KCNMA1: variants seen among roughly 807,000 people sequenced by gnomAD.
KCNMA1 encodes the protein Calcium-activated potassium channel subunit alpha-1.
In KCNMA1, 29 loss-of-function variants were observed where a neutral mutation model predicts 140.0. The observed-to-expected ratio is 0.21, with a 90% confidence interval of 0.15 to 0.28. The LOEUF (loss-of-function observed/expected upper bound fraction) is 0.28. KCNMA1 is among the 10% of genes least tolerant of loss of function. The probability of loss-of-function intolerance (pLI) is 1.00; values close to 1 mark genes in which losing one functional copy is unlikely to be tolerated. For synonymous variants in KCNMA1, 612 were observed against 611.9 expected (o/e 1.00, Z 0.00); for missense variants, 880 against 1,602.2 (o/e 0.55, Z 7.70).
At chr10:77,593,597 A>G (rs890319081) in intron 1 of KCNMA1, among the ~76,000 whole-genome samples, 4 of 152,198 alleles carry the variant, frequency 2.6e-5, no homozygotes, top group Non-Finnish European at 2.9e-5. Context: ...TTTTATACAC[A>G]TTATCTTGTG....
At chr10:76,921,245 T>C (rs1192151108) in intron 23 of KCNMA1, among the ~76,000 whole-genome samples, 3 of 152,184 alleles carry the variant, frequency 2.0e-5, no homozygotes, top group Non-Finnish European at 4.4e-5. Context: ...CTAGGTTTGC[T>C]GAGACAGGTA....
intron 2 of KCNMA1, among the ~76,000 whole-genome samples, chr10:77,273,066 A>G (rs2065616914): frequency 6.6e-6 from 1 of 152,110 alleles, no homozygotes; most frequent in African/African-American, 2.4e-5. Flanking sequence ...CTATTCATCT[A>G]CCCTTTTCTC....
At chr10:77,368,548 G>A (rs368190170) in intron 2 of KCNMA1, among the ~76,000 whole-genome samples, 7 of 152,042 alleles carry the variant, frequency 4.6e-5, no homozygotes, top group African/African-American at 1.2e-4. Flanking sequence ...TAATTTTGAC[G>A]TGTCTAAGTG....
In KCNMA1 at chr10:76,949,313, G is replaced by A; in HGVS notation, c.2538C>T (p.Ile846=). ...TCAGGGCTGAGCTGACGTCGCCAAA[G>A]ATGCAGACCACGACATGGCCACTCA... ...TVLSGHVVVC[I]FGDVSSALIG... The change falls in exon 22 of 28, where the codon ATC becomes ATT. Residue 846 remains isoleucine (I), a synonymous_variant. Coordinates refer to ENST00000286628, the MANE Select transcript of KCNMA1 (RefSeq NM_001161352.2). 1 of 1,614,168 alleles carries A rather than the reference G, an allele frequency of 6.2e-7. No individual in the cohort carries two copies. The highest frequency in any genetic ancestry group is 8.5e-7 in the Non-Finnish European group (1 of 1,180,030).
At chr10:76,958,133 T>G (rs1024894892) in intron 20 of KCNMA1, among the ~76,000 whole-genome samples, 1 of 152,134 alleles carries the variant, frequency 6.6e-6, no homozygotes, top group Non-Finnish European at 1.5e-5. Flanking sequence ...CCCAGAGGAA[T>G]TGGGCCGTTT....
intron 1 of KCNMA1, among the ~76,000 whole-genome samples, chr10:77,542,177 C>T (rs553527658): frequency 6.6e-6 from 1 of 152,342 alleles, no homozygotes; most frequent in Admixed American, 6.5e-5. Flanking sequence ...CCACAAGCAC[C>T]TTGATCTTGG....
At chr10:77,437,457 G>A (rs1196353285) in intron 1 of KCNMA1, among the ~76,000 whole-genome samples, 1 of 152,168 alleles carries the variant, frequency 6.6e-6, no homozygotes, top group Non-Finnish European at 1.5e-5. Context: ...GACTGCTTTT[G>A]TAAATGTCTT....
intron 9 of KCNMA1, among the ~76,000 whole-genome samples, chr10:77,104,064 C>T (rs1433050182): frequency 1.3e-5 from 2 of 152,298 alleles, no homozygotes; most frequent in Non-Finnish European, 2.9e-5. Context: ...TTACTAGCTG[C>T]GTGATGTCAG....
intron 2 of KCNMA1, among the ~76,000 whole-genome samples, chr10:77,274,201 A>G (rs1516512): frequency 0.6 from 91,542 of 151,966 alleles, 29,281 homozygotes; most frequent in African/African-American, 0.82. Context: ...TAGCCTCCAG[A>G]TATGGCCAGC....
chr10:76,947,571 A>G (rs2064519702), intron 22 of KCNMA1, among the ~76,000 whole-genome samples: 1 of 152,216 alleles, frequency 6.6e-6, no homozygotes, highest in South Asian at 2.1e-4. Context: ...ATAACCATGG[A>G]ATCATATAAT....
chr10:77,048,497 G>A (rs891538536), intron 14 of KCNMA1, among the ~76,000 whole-genome samples: 1 of 152,186 alleles, frequency 6.6e-6, no homozygotes, highest in Admixed American at 6.5e-5. Context: ...AGGAGAATGG[G>A]GAGGGGATTC....
At chr10:77,101,160 C>A (rs974310141) in intron 9 of KCNMA1, among the ~76,000 whole-genome samples, 2 of 152,044 alleles carry the variant, frequency 1.3e-5, no homozygotes, top group Non-Finnish European at 2.9e-5. Flanking sequence ...GAAAGAAGTG[C>A]CCATGTCCCA....
At chr10:77,469,851 T>G (rs1479120824) in intron 1 of KCNMA1, among the ~76,000 whole-genome samples, 1 of 152,162 alleles carries the variant, frequency 6.6e-6, no homozygotes, top group East Asian at 1.9e-4. Flanking sequence ...CAATTCACAA[T>G]GGGTTTGAGG....
rs1208962527 is a variant in KCNMA1, at chr10:76,891,601, G to A, written c.3266C>T (p.Pro1089Leu). The A allele has an allele frequency of 1.9e-6, 3 of 1,613,956 alleles. No homozygotes were observed. Among genetic ancestry groups the A allele is most frequent in the Non-Finnish European group, 2.5e-6 (3 of 1,179,986 alleles). ...GCGGTCCCTATTGGCCAGTGTCTGC[G>A]GGGTGCTGTAGCCACCTCTAAGGGC... ...ENALRGGYST[P>L]QTLANRDRCR... The change falls in exon 26 of 28, where the codon CCG (proline) becomes CTG (leucine). Residue 1089 changes from proline (P) to leucine (L), a missense_variant. Physicochemically the swap from Pro to Leu is moderately conservative, Grantham distance 98. Transcript: ENST00000286628.
intron 13 of KCNMA1, chr10:77,077,778 A>G (rs1595444146): frequency 6.6e-6 from 1 of 152,112 alleles, no homozygotes; most frequent in Admixed American, 6.5e-5. Flanking sequence ...ATTCACCTCC[A>G]CCTACAAGGG....
chr10:77,460,519 T>G (rs2097846480), intron 1 of KCNMA1, among the ~76,000 whole-genome samples: 1 of 150,056 alleles, frequency 6.7e-6, no homozygotes, highest in Non-Finnish European at 1.5e-5. Context: ...AAAGAAAATG[T>G]GGTACACACG....
At chr10:77,602,108 C>A (rs746767004) in intron 1 of KCNMA1, among the ~76,000 whole-genome samples, 1 of 152,192 alleles carries the variant, frequency 6.6e-6, no homozygotes, top group African/African-American at 2.4e-5. Flanking sequence ...GTGAGGGACA[C>A]AAAACTCACC....
chr10:76,902,758 AC>A (rs1320030559), intron 25 of KCNMA1: 1 of 152,178 alleles, frequency 6.6e-6, no homozygotes, highest in Non-Finnish European at 1.5e-5. Flanking sequence ...AAGTTGCCTA[AC>A]TTTTCTCTGC....
chr10:77,393,024 C>A (rs1473978586), intron 2 of KCNMA1, among the ~76,000 whole-genome samples: 1 of 152,234 alleles, frequency 6.6e-6, no homozygotes, highest in Non-Finnish European at 1.5e-5. Flanking sequence ...CAGTCCCCAG[C>A]CAGCTCAGGG....
Sources: allele counts gnomAD v4.1 joint callset (sites outside exome capture counted in the v4.1 genomes callset), GRCh38; gene constraint gnomAD v4.1.1; transcripts MANE v1.5; gene names NCBI Gene and HGNC (gene_info 2026-07-23, HGNC 2026-07-21).